COG6: variants seen among roughly 807,000 people sequenced by gnomAD.
COG6 encodes the protein component of oligomeric golgi complex 6.
In COG6, 74 loss-of-function variants were observed where a neutral mutation model predicts 88.8. The ratio of observed to expected loss-of-function variants is 0.83; its 90% CI spans 0.69 to 1.01. The LOEUF is 1.01. COG6 is among the 50% of genes least tolerant of loss of function. The pLI, the probability that COG6 is intolerant of heterozygous loss-of-function variation, is 0.00. For missense variants in COG6, 800 were observed against 797.9 expected, an observed-to-expected ratio of 1.00 and a Z score of -0.03; for synonymous variants, 286 against 278.7, an observed-to-expected ratio of 1.03 and a Z score of -0.26.
At chr13:39,667,133 G>T (rs1483902576) in intron 4 of COG6, among the ~76,000 whole-genome samples, 12 of 152,062 alleles carry the variant, frequency 7.9e-5, no homozygotes, top group South Asian at 2.1e-4. Flanking sequence ...AAAAGAGTTT[G>T]ACAGCAGGAA....
chr13:39,694,026 G>A (rs1877122825), intron 11 of COG6, among the ~76,000 whole-genome samples: 1 of 151,698 alleles, frequency 6.6e-6, no homozygotes, highest in Non-Finnish European at 1.5e-5. Flanking sequence ...TATAAAAGAA[G>A]GATCAGTGAG....
intron 1 of COG6, chr13:39,656,718 A>G: frequency 2.6e-6 from 1 of 389,264 alleles, no homozygotes; most frequent in Non-Finnish European, 5.0e-6. Flanking sequence ...TTGCAATGTA[A>G]TGAATAAGAA....
In COG6 at chr13:39,723,340, C is replaced by T. The variant is rs755194619; in HGVS notation, c.1592C>T (p.Ala531Val). ...RLEMLQFQIE[A>V]HLDTLINEQA... ...CTTTGTGTTTTATTTTAGATCGAAG[C>T]ACATTTGGACACACTTATAAATGAG... Residue 531 changes from alanine (A) to valine (V), a missense_variant, in exon 16 of 19, where the codon GCA (alanine) becomes GTA (valine). By Grantham distance (64) the Ala-to-Val change is moderately conservative. Transcript: ENST00000455146. 2 of 1,600,276 alleles carry T rather than the reference C, an allele frequency of 1.2e-6. No homozygotes were observed. Among genetic ancestry groups the T allele is most frequent in the East Asian group, 4.5e-5 (2 of 44,770 alleles).
At chr13:39,669,378 G>A (rs1000530872) in intron 4 of COG6, among the ~76,000 whole-genome samples, 2 of 152,118 alleles carry the variant, frequency 1.3e-5, no homozygotes, top group Non-Finnish European at 2.9e-5. Context: ...TGTATGCAAA[G>A]CCTTTTTAAA....
chr13:39,662,050 A>T (rs1002785614), intron 3 of COG6, among the ~76,000 whole-genome samples: 4 of 151,834 alleles, frequency 2.6e-5, no homozygotes, highest in African/African-American at 7.2e-5. Flanking sequence ...AAATATAAAA[A>T]GATCATAGTA....
intron 18 of COG6, among the ~76,000 whole-genome samples, chr13:39,775,295 T>G (rs368962145): frequency 2.0e-5 from 3 of 152,204 alleles, no homozygotes; most frequent in African/African-American, 7.2e-5. Flanking sequence ...AGGTAAAAAG[T>G]GTAGAACAGT....
chr13:39,771,432 C>G (rs7337124), intron 18 of COG6, among the ~76,000 whole-genome samples: 152,052 of 152,286 alleles, frequency 1, 75,911 homozygotes, highest in Non-Finnish European at 1. Context: ...CGCTGCCCAG[C>G]GCTCCCCAGG....
In COG6 at chr13:39,660,893, T is replaced by C. The variant is rs1281868104; in HGVS notation, c.369+12T>C. 1.3e-6 allele frequency: 2 copies of C among 1,525,068 alleles called. No individual in the cohort carries two copies. The highest frequency in any genetic ancestry group is 9.1e-7 in the Non-Finnish European group (1 of 1,100,602). The allele number at this position is 1,525,068 out of a possible 1,614,324, so 94.5% of individuals were successfully genotyped here. A position where few individuals can be genotyped will look rare whatever the true frequency, so the allele number is the denominator to read the frequency against. Reference sequence around the variant, plus strand: ...CAAGTCGCCTACAGGTATTATATAATGGCTAGATTTTGGCATAGTTCCTGA... The same window carrying C: ...CAAGTCGCCTACAGGTATTATATAACGGCTAGATTTTGGCATAGTTCCTGA... On this transcript the variant is annotated intron_variant, in intron 3 of 18. Coordinates refer to ENST00000455146, the MANE Select transcript of COG6 (RefSeq NM_020751.3).
chr13:39,753,072 A>G (rs549440566), downstream of COG6, among the ~76,000 whole-genome samples: 1 of 152,238 alleles, frequency 6.6e-6, no homozygotes, highest in South Asian at 2.1e-4. Flanking sequence ...TCATGATTAC[A>G]GTGTTCAAAT....
At chr13:39,756,165 A>G (rs186811011), downstream of COG6, among the ~76,000 whole-genome samples, 5 of 152,328 alleles carry the variant, frequency 3.3e-5, no homozygotes, top group East Asian at 7.7e-4. Flanking sequence ...AGTTTTTAAT[A>G]CATTTATAAT....
chr13:39,696,690 A>G (rs529868610), intron 12 of COG6, among the ~76,000 whole-genome samples: 1 of 151,666 alleles, frequency 6.6e-6, no homozygotes, highest in South Asian at 2.1e-4. Flanking sequence ...GCGATAGTGG[A>G]TATTTCGATT....
chr13:39,740,965 T>G (rs1284426821), intron 18 of COG6, among the ~76,000 whole-genome samples: 1 of 152,164 alleles, frequency 6.6e-6, no homozygotes, highest in Non-Finnish European at 1.5e-5. Context: ...GTTGAAATAG[T>G]CTATTTCTGG....
chr13:39,656,966 G>A (rs1330108154), intron 1 of COG6: 1 of 446,622 alleles, frequency 2.2e-6, no homozygotes. Flanking sequence ...TTTATGAAGT[G>A]TTTAATGTGT....
At chr13:39,780,427 C>T (rs986047631) in intron 18 of COG6, among the ~76,000 whole-genome samples, 1 of 152,148 alleles carries the variant, frequency 6.6e-6, no homozygotes. Flanking sequence ...AGAAATGTCC[C>T]TTCTATTCAA....
At chr13:39,739,552 A>G (rs1408065610) in intron 18 of COG6, among the ~76,000 whole-genome samples, 1 of 152,116 alleles carries the variant, frequency 6.6e-6, no homozygotes, top group East Asian at 1.9e-4. Flanking sequence ...AAAAAATCAA[A>G]CATTCCATTG....
chr13:39,678,229 G>T, intron 5 of COG6: 1 of 321,584 alleles, frequency 3.1e-6, no homozygotes, highest in East Asian at 1.1e-4. Flanking sequence ...CACCACTCCT[G>T]GCTGATTTTT....
intron 18 of COG6, among the ~76,000 whole-genome samples, chr13:39,765,646 C>A (rs1881142707): frequency 6.6e-6 from 1 of 152,122 alleles, no homozygotes; most frequent in Non-Finnish European, 1.5e-5. Context: ...AACTTTCCTT[C>A]TAGGTGGTTT....
chr13:39,751,797 G>T lies in COG6; in HGVS notation c.*704G>T, dbSNP rs1306982959. Reference sequence around the variant, plus strand: ...ACAGGGTGGATTCCACTCTGTGGGAGCCTTCGATGGAACTCAAGGTGGAGC... The same window carrying T: ...ACAGGGTGGATTCCACTCTGTGGGATCCTTCGATGGAACTCAAGGTGGAGC... On this transcript the variant is annotated 3_prime_UTR_variant, in exon 19 of 19. Coordinates refer to ENST00000455146, the MANE Select transcript of COG6 (RefSeq NM_020751.3). 41 of 1,287,162 alleles carry T rather than the reference G, an allele frequency of 3.2e-5. No homozygotes were observed. Among genetic ancestry groups the T allele is most frequent in the Non-Finnish European group, 3.9e-5 (39 of 988,656 alleles). The allele number at this position is 1,287,162 out of a possible 1,614,324, so 79.7% of individuals were successfully genotyped here. A position where few individuals can be genotyped will look rare whatever the true frequency, so the allele number is the denominator to read the frequency against.
rs773854798 is a variant in COG6 at position 39,679,490 on chromosome 13, C to T, written c.541-48C>T. ...AGTGACCTTTCAGTTTTAAATAATG[C>T]AATTTTGCCTGAAGCATGGACATAA... On this transcript the variant is annotated intron_variant, in intron 5 of 18. Coordinates refer to ENST00000455146, the MANE Select transcript of COG6 (RefSeq NM_020751.3). 5.8e-6 allele frequency: 6 copies of T among 1,030,208 alleles called. No homozygotes were observed. The South Asian group carries it at 7.6e-5, about 13-fold the overall frequency. The allele number at this position is 1,030,208 out of a possible 1,614,324, so 63.8% of individuals were successfully genotyped here.
Sources: gnomAD v4.1 joint callset for allele counts (sites outside exome capture counted in the v4.1 genomes callset) on GRCh38, gnomAD v4.1.1 for gene constraint, MANE v1.5 for transcripts, NCBI Gene and HGNC (gene_info 2026-07-23, HGNC 2026-07-21) for gene names.